Variants in ABTB3 observed in about 807,000 individuals in gnomAD.
ABTB3 encodes ankyrin repeat- and BTB/POZ domain-containing protein 3.
the ABTB3 span, among the ~76,000 whole-genome samples, chr12:107,528,367 A>T: frequency 8.6e-4 from 131 of 152,368 alleles, no homozygotes; most frequent in South Asian, 0.024. Context: ...TCTTAAAATG[A>T]ATTTATATGT....
the ABTB3 span, among the ~76,000 whole-genome samples, chr12:107,349,474 A>C: frequency 6.6e-6 from 1 of 152,168 alleles, no homozygotes; most frequent in South Asian, 2.1e-4. Flanking sequence ...TTCCCCAGAC[A>C]TTGAGCATGC....
chr12:107,627,740 C>T, the ABTB3 span, among the ~76,000 whole-genome samples: 7 of 152,188 alleles, frequency 4.6e-5, no homozygotes, highest in Non-Finnish European at 1.0e-4. Flanking sequence ...TCATCTAGCC[C>T]AGTGAATATC....
chr12:107,637,704 A>G, the ABTB3 span, among the ~76,000 whole-genome samples: 6 of 152,054 alleles, frequency 3.9e-5, no homozygotes, highest in Non-Finnish European at 8.8e-5. Context: ...GGGACCAGGC[A>G]GGTGATATAA....
At chr12:107,342,247 AT>A in the ABTB3 span, among the ~76,000 whole-genome samples, 6 of 148,240 alleles carry the variant, frequency 4.0e-5, no homozygotes, top group South Asian at 2.2e-4. Flanking sequence ...CATATTCCTC[AT>A]TTTTTTGGGG....
the ABTB3 span, among the ~76,000 whole-genome samples, chr12:107,370,858 G>A: frequency 6.8e-6 from 1 of 147,980 alleles, no homozygotes; most frequent in Non-Finnish European, 1.5e-5. Context: ...GCCTTGAAGG[G>A]CTGTCAGGGT....
chr12:107,320,588 G>A, the ABTB3 span: 6 of 456,110 alleles, frequency 1.3e-5, no homozygotes, highest in East Asian at 3.5e-4. Flanking sequence ...CCTGGCGGCC[G>A]TACCGGCTGA....
At chr12:107,431,845 C>T in the ABTB3 span, among the ~76,000 whole-genome samples, 3 of 152,154 alleles carry the variant, frequency 2.0e-5, no homozygotes, top group Non-Finnish European at 4.4e-5. Flanking sequence ...GTGGCTAACT[C>T]GGAGATTTCT....
the ABTB3 span, chr12:107,620,158 G>A: frequency 8.1e-6 from 13 of 1,614,038 alleles, no homozygotes; most frequent in Non-Finnish European, 1.1e-5. Flanking sequence ...TCCTGAAAGC[G>A]AGCAAGGTAT....
chr12:107,506,191 A>C, the ABTB3 span, among the ~76,000 whole-genome samples: 1 of 152,204 alleles, frequency 6.6e-6, no homozygotes, highest in Non-Finnish European at 1.5e-5. Flanking sequence ...TAATAGTAAA[A>C]ATGTAACTAA....
the ABTB3 span, among the ~76,000 whole-genome samples, chr12:107,409,291 T>C: frequency 3.9e-5 from 6 of 152,356 alleles, no homozygotes; most frequent in African/African-American, 1.4e-4. Flanking sequence ...AGTGAAAATA[T>C]AGGGCCTCTC....
the ABTB3 span, among the ~76,000 whole-genome samples, chr12:107,459,703 C>A: frequency 6.6e-6 from 1 of 152,236 alleles, no homozygotes; most frequent in South Asian, 2.1e-4. Context: ...GACCCTAGCT[C>A]CTCAGCCATT....
the ABTB3 span, among the ~76,000 whole-genome samples, chr12:107,479,559 A>G: frequency 1.3e-5 from 2 of 151,984 alleles, no homozygotes; most frequent in Non-Finnish European, 2.9e-5. Flanking sequence ...GTTTGCCGTT[A>G]TTATTCCTAG....
At chr12:107,591,305 G>A in the ABTB3 span, among the ~76,000 whole-genome samples, 2 of 152,278 alleles carry the variant, frequency 1.3e-5, no homozygotes, top group South Asian at 4.2e-4. Context: ...CTGAGACTGG[G>A]TAATTTATGA....
chr12:107,649,482 C>T, the ABTB3 span: 1 of 560,740 alleles, frequency 1.8e-6, no homozygotes, highest in Non-Finnish European at 3.2e-6. Context: ...CCCTGGCAGG[C>T]TGGGGTGCTA....
chr12:107,551,677 T>C, the ABTB3 span, among the ~76,000 whole-genome samples: 2 of 152,212 alleles, frequency 1.3e-5, no homozygotes, highest in African/African-American at 4.8e-5. Context: ...ACAGAGACTT[T>C]AGGGTCCAGA....
the ABTB3 span, among the ~76,000 whole-genome samples, chr12:107,551,262 G>A: frequency 6.6e-6 from 1 of 152,170 alleles, no homozygotes; most frequent in Non-Finnish European, 1.5e-5. Flanking sequence ...GGACATGCTA[G>A]AGCGAGAAGA....
chr12:107,478,827 C>T, the ABTB3 span, among the ~76,000 whole-genome samples: 1 of 152,106 alleles, frequency 6.6e-6, no homozygotes, highest in East Asian at 1.9e-4. Flanking sequence ...TTCCCACCAT[C>T]TCAGCCACTG....
the ABTB3 span, chr12:107,618,034 C>G: frequency 1.2e-6 from 1 of 822,820 alleles, no homozygotes; most frequent in Non-Finnish European, 1.9e-6. Context: ...AAGTGCCACC[C>G]ATTGATCTTG....
the ABTB3 span, among the ~76,000 whole-genome samples, chr12:107,376,572 A>G: frequency 6.6e-6 from 1 of 152,118 alleles, no homozygotes; most frequent in Non-Finnish European, 1.5e-5. Flanking sequence ...ACAGATTCTC[A>G]GGCCCCTTGC....
Sources: allele counts gnomAD v4.1 joint callset (sites outside exome capture counted in the v4.1 genomes callset), GRCh38; gene constraint gnomAD v4.1.1; transcripts MANE v1.5; gene names NCBI Gene and HGNC (gene_info 2026-07-23, HGNC 2026-07-21).